The following NMT1 variants were observed in gnomAD, a reference collection of about 807,000 sequenced individuals.
NMT1 encodes the protein glycylpeptide N-tetradecanoyltransferase 1.
A neutral mutation model predicts 63.4 loss-of-function variants in NMT1; 12 were observed. The ratio of observed to expected loss-of-function variants is 0.19; its 90% CI spans 0.12 to 0.31. The LOEUF (loss-of-function observed/expected upper bound fraction) is 0.31, where lower values mean the gene tolerates loss of function less well. NMT1 is among the 10% of genes least tolerant of loss of function. The pLI, the probability that NMT1 is intolerant of heterozygous loss-of-function variation, is 1.00. For missense variants in NMT1, 432 were observed against 634.6 expected, an observed-to-expected ratio of 0.68 and a Z score of 3.43; for synonymous variants, 228 against 234.3, an observed-to-expected ratio of 0.97 and a Z score of 0.25.
intron 1 of NMT1, among the ~76,000 whole-genome samples, chr17:45,077,863 G>A (rs2053987759): frequency 1.3e-5 from 2 of 152,162 alleles, no homozygotes; most frequent in African/African-American, 2.4e-5. Flanking sequence ...TGACTTTATG[G>A]TTTCTGTTGT....
Position 45,096,209 on chromosome 17 carries a change from A to G in NMT1, c.520A>G (p.Thr174Ala). 6.2e-7 allele frequency: 1 copy of G among 1,613,628 alleles called. No homozygotes were observed. The highest frequency in any genetic ancestry group is 2.2e-5 in the East Asian group (1 of 44,880). ...TTCTTTACAGCTAAAAGAACTGTAC[A>G]CCCTCCTGAATGAGAACTATGTGGA... ...GDRGVLKELY[T>A]LLNENYVEDD... is the part of the protein sequence containing the mutation. The change falls in exon 5 of 12, where the codon ACC becomes GCC. Residue 174 changes from threonine to alanine, a missense_variant. By Grantham distance (58) the Thr-to-Ala change is moderately conservative (BLOSUM62 0). Around this residue, in one of 4 missense-constraint regions of NMT1, gnomAD observed 295 missense variants for 489.7 expected, o/e 0.60. Coordinates refer to ENST00000258960, the MANE Select transcript of NMT1 (RefSeq NM_021079.5).
intron 1 of NMT1, among the ~76,000 whole-genome samples, chr17:45,069,200 C>G (rs778780205): frequency 8.0e-5 from 12 of 150,540 alleles, no homozygotes; most frequent in Non-Finnish European, 5.9e-5. Context: ...ACCTCGTGAT[C>G]CATCCTCCTT....
chr17:45,079,126 T>G (rs1389155183), intron 1 of NMT1, among the ~76,000 whole-genome samples: 2 of 150,794 alleles, frequency 1.3e-5, no homozygotes, highest in Non-Finnish European at 3.0e-5. Context: ...TTCCCCAAGA[T>G]GGAGTCTTGC....
At chr17:45,094,353 G>T (rs2054109687) in intron 4 of NMT1, among the ~76,000 whole-genome samples, 1 of 151,554 alleles carries the variant, frequency 6.6e-6, no homozygotes, top group Non-Finnish European at 1.5e-5. Context: ...AATTAGCCAG[G>T]TGTGGTGGTG....
At chr17:45,091,587 A>C (rs1378886484) in intron 3 of NMT1, among the ~76,000 whole-genome samples, 1 of 152,234 alleles carries the variant, frequency 6.6e-6, no homozygotes, top group South Asian at 2.1e-4. Context: ...TATAAATTCA[A>C]TACAAGTTGG....
chr17:45,090,662 T>C (rs986245723), intron 3 of NMT1, among the ~76,000 whole-genome samples: 6 of 152,144 alleles, frequency 3.9e-5, no homozygotes, highest in Non-Finnish European at 8.8e-5. Flanking sequence ...TTGCACCGCA[T>C]TGCTTAGTTT....
intron 1 of NMT1, among the ~76,000 whole-genome samples, chr17:45,080,389 A>G (rs1377360628): frequency 7.0e-6 from 1 of 143,252 alleles, no homozygotes; most frequent in African/African-American, 2.6e-5. Flanking sequence ...CGAACTCTGC[A>G]CCTCAGGTGA....
In NMT1 at chr17:45,103,925, T is replaced by C. The variant is rs1278556795; in HGVS notation, c.1332+49T>C. Reference sequence around the variant, plus strand: ...CTGGAGATGTGCAGGGAAGAGGCAGTGGAGCCATGGTGAGCACAGCTCCCG... The same window carrying C: ...CTGGAGATGTGCAGGGAAGAGGCAGCGGAGCCATGGTGAGCACAGCTCCCG... On this transcript the variant is annotated intron_variant, in intron 10 of 11. Transcript: ENST00000258960. The surrounding 1 kb of genome is among the most constrained non-coding windows in gnomAD (Gnocchi z 4.8). 9 of 1,607,138 alleles carry C rather than the reference T, an allele frequency of 5.6e-6. No homozygotes were observed. The Admixed American group carries it at 1.2e-4, about 21-fold the overall frequency.
At chr17:45,098,208 G>A (rs761837923) in intron 6 of NMT1, among the ~76,000 whole-genome samples, 174 bp from the exon 7 acceptor site, 1 of 152,152 alleles carries the variant, frequency 6.6e-6, no homozygotes, top group African/African-American at 2.4e-5. Context: ...AAGTGAGGCA[G>A]GCTCCTTGCC....
At chr17:45,090,864 A>G (rs567758448) in intron 3 of NMT1, among the ~76,000 whole-genome samples, 1 of 152,148 alleles carries the variant, frequency 6.6e-6, no homozygotes, top group African/African-American at 2.4e-5. Flanking sequence ...TGCTCTGCAG[A>G]GCAGCCTTCC....
chr17:45,070,190 T>C (rs931692431), intron 1 of NMT1, among the ~76,000 whole-genome samples: 3 of 152,142 alleles, frequency 2.0e-5, no homozygotes, highest in Admixed American at 6.6e-5. Flanking sequence ...GCAGCAAAAG[T>C]GGTCTTTTGT....
chr17:45,068,380 G>A (rs1203399958), intron 1 of NMT1, among the ~76,000 whole-genome samples: 1 of 152,068 alleles, frequency 6.6e-6, no homozygotes, highest in African/African-American at 2.4e-5. Flanking sequence ...GCTGAGACAA[G>A]AGAATCACTT....
intron 4 of NMT1, 51 bp downstream of exon 4, chr17:45,093,854 G>A (rs756469904): frequency 1.0e-5 from 15 of 1,439,196 alleles, no homozygotes; most frequent in Non-Finnish European, 1.5e-5. Context: ...CACTTTCACA[G>A]TAAGCCCTGC....
chr17:45,093,953 G>A (rs2054107029), intron 4 of NMT1, 150 bp downstream of exon 4: 2 of 621,134 alleles, frequency 3.2e-6, no homozygotes, highest in Non-Finnish European at 5.7e-6. Context: ...CCTGGGGCAT[G>A]GCCAAGACTC....
intron 2 of NMT1, among the ~76,000 whole-genome samples, chr17:45,082,000 G>T (rs928513268): frequency 6.6e-6 from 1 of 152,292 alleles, no homozygotes; most frequent in African/African-American, 2.4e-5. Context: ...GGACAGGTGC[G>T]TACTGCATGT....
chr17:45,096,146 C>A, intron 4 of NMT1, 48 bp from the exon 5 acceptor site: 2 of 1,435,908 alleles, frequency 1.4e-6, no homozygotes, highest in South Asian at 1.1e-5. Flanking sequence ...TGGAGTTGGT[C>A]TACTACCTGG....
chr17:45,105,894 GA>G lies in NMT1; in HGVS notation c.*257del, dbSNP rs2054200183. 4 of 450,666 alleles carry G rather than the reference GA, an allele frequency of 8.9e-6. No individual in the cohort carries two copies. The highest frequency in any genetic ancestry group is 1.6e-5 in the Non-Finnish European group (4 of 256,642). 27.9% of individuals were successfully genotyped at this position (450,666 alleles called of 1,614,324 possible). A position where few individuals can be genotyped will look rare whatever the true frequency, so the allele number is the denominator to read the frequency against. ...CATCCTCATGCAGCCGTGATCAAGG[GA>G]ATGTAACTGCTGAAAACTAGCTCGT... On this transcript the variant is annotated 3_prime_UTR_variant, in exon 12 of 12. Transcript: ENST00000258960. This position sits in a 1 kb window ranked among gnomAD's most constrained non-coding sequence, Gnocchi z 4.2.
At chr17:45,085,263 G>A (rs1027108481) in intron 2 of NMT1, among the ~76,000 whole-genome samples, 1 of 151,750 alleles carries the variant, frequency 6.6e-6, no homozygotes, top group African/African-American at 2.4e-5. Context: ...AAAAAAAAAA[G>A]AAATTCACTG....
Position 45,105,734 on chromosome 17 carries a change from A to G in NMT1, c.*95A>G. On this transcript the variant is annotated 3_prime_UTR_variant, in exon 12 of 12. Transcript: ENST00000258960. The surrounding 1 kb of genome is among the most constrained non-coding windows in gnomAD (Gnocchi z 4.2). ...TGGTCCAATTTTCACACACGTGAGA[A>G]TCCCTGGCAAAGGGAGCAGAACTGA... 1 of 1,304,848 alleles carries G rather than the reference A, an allele frequency of 7.7e-7. No individual in the cohort carries two copies. The highest frequency in any genetic ancestry group is 1.2e-5 in the South Asian group (1 of 82,194). 80.8% of individuals were successfully genotyped at this position (1,304,848 alleles called of 1,614,324 possible). A position where few individuals can be genotyped will look rare whatever the true frequency, so the allele number is the denominator to read the frequency against.
Sources: gnomAD v4.1 joint callset for allele counts (sites outside exome capture counted in the v4.1 genomes callset) on GRCh38, gnomAD v4.1.1 for gene constraint, gnomAD v4.1.1 regional missense constraint, Gnocchi (gnomAD v3.1) non-coding constraint, MANE v1.5 for transcripts, NCBI Gene and HGNC (gene_info 2026-07-23, HGNC 2026-07-21) for gene names.